NF1: variants seen among roughly 807,000 people sequenced by gnomAD.
NF1 encodes neurofibromin.
NF1 carries 122 observed loss-of-function variants against 325.7 expected under a neutral mutation model. The observed-to-expected ratio is 0.37, with a 90% confidence interval of 0.32 to 0.44. The LOEUF (loss-of-function observed/expected upper bound fraction) is 0.44, where lower values mean the gene tolerates loss of function less well. NF1 is among the 20% of genes least tolerant of loss of function. NF1 has a pLI of 1.00. For synonymous variants in NF1, 1,091 were observed against 1,186.0 expected (o/e 0.92, Z 1.65); for missense variants, 2,140 against 3,415.4 (o/e 0.63, Z 9.31).
Position 31,227,147 on chromosome 17 carries a change from G to T in NF1, c.2252-71G>T. 2.7e-6 allele frequency: 4 copies of T among 1,492,340 alleles called. No individual in the cohort carries two copies. The South Asian group carries it at 4.5e-5, about 17-fold the overall frequency. 92.4% of individuals were successfully genotyped at this position (1,492,340 alleles called of 1,614,324 possible). A position where few individuals can be genotyped will look rare whatever the true frequency, so the allele number is the denominator to read the frequency against. The stretch of plus-strand genomic sequence containing the variant: ...GCTCTTCCTACTCCTTTTGGGTGGA[G>T]CTTATCAGGTTCTCCATTGGCAGGC... On this transcript the variant is annotated intron_variant, in intron 18 of 57. Transcript: ENST00000358273.
chr17:31,266,226 G>A (rs995692880), intron 36 of NF1, among the ~76,000 whole-genome samples: 1 of 152,154 alleles, frequency 6.6e-6, no homozygotes, highest in Non-Finnish European at 1.5e-5. Flanking sequence ...GACTTACATT[G>A]TTAGTCAGCT....
chr17:31,234,937 T>A (rs1015881002), intron 27 of NF1, among the ~76,000 whole-genome samples: 1 of 152,112 alleles, frequency 6.6e-6, no homozygotes, highest in African/African-American at 2.4e-5. Context: ...TAAACAGTGA[T>A]TTACCATTAG....
At chr17:31,350,060 T>C in intron 49 of NF1, 123 bp from the exon 50 acceptor site, 1 of 1,017,002 alleles carries the variant, frequency 9.8e-7, no homozygotes, top group East Asian at 2.4e-5. Context: ...TTATGTAGTC[T>C]TCCAAAATAT....
chr17:31,296,541 G>A, intron 36 of NF1: 1 of 585,000 alleles, frequency 1.7e-6, no homozygotes, highest in Non-Finnish European at 3.1e-6. Flanking sequence ...GTGGTAGAGA[G>A]AGACTCTCTC....
At chr17:31,198,045 G>A (rs906169103) in intron 8 of NF1, among the ~76,000 whole-genome samples, 2 of 152,078 alleles carry the variant, frequency 1.3e-5, no homozygotes, top group African/African-American at 4.8e-5. Flanking sequence ...TCTCTGTATT[G>A]ATTCAGATGA....
intron 5 of NF1, among the ~76,000 whole-genome samples, chr17:31,174,938 A>G (rs1407082952): frequency 6.6e-6 from 1 of 151,730 alleles, no homozygotes; most frequent in Admixed American, 6.6e-5. Flanking sequence ...GTGAAACCCC[A>G]TCTCTACTAA....
chr17:31,346,954 G>A lies in NF1; in HGVS notation c.7190-2166G>A, dbSNP rs541575279. On this transcript the variant is annotated intron_variant, in intron 48 of 57. Coordinates refer to ENST00000358273, the MANE Select transcript of NF1 (RefSeq NM_001042492.3). ...TGAATCTCTGTATGCACTGATAACT[G>A]AGCTATGAAGAGGATCTTATTAAAC... 3.9e-4 allele frequency among the ~76,000 whole-genome samples: 59 copies of A among 149,998 alleles called. 1 individual carries two copies. Among genetic ancestry groups the A allele is most frequent in the African/African-American group, 1.4e-3 (57 of 40,800 alleles).
intron 8 of NF1, 82 bp from the exon 9 acceptor site, chr17:31,200,340 T>A: frequency 7.7e-7 from 1 of 1,305,982 alleles, no homozygotes; most frequent in Non-Finnish European, 1.1e-6. Context: ...TTTTAGAGGC[T>A]GTTAATTTGC....
At chr17:31,263,521 AAC>A (rs1469085403) in intron 35 of NF1, among the ~76,000 whole-genome samples, 5 of 150,710 alleles carry the variant, frequency 3.3e-5, no homozygotes, top group African/African-American at 1.2e-4. Flanking sequence ...AATGAATCAA[AAC>A]AGTTTTTAAA....
rs1555608659 is a variant in NF1 at position 31,181,449 on chromosome 17, A to G, written c.614A>G (p.Lys205Arg). The G allele has an allele frequency of 6.2e-7, 1 of 1,613,572 alleles. No individual in the cohort carries two copies. The highest frequency in any genetic ancestry group is 1.7e-5 in the Admixed American group (1 of 60,016). The change falls in exon 6 of 58, where the codon AAG (lysine) becomes AGG (arginine). Residue 205 changes from lysine to arginine, a missense_variant. Lys to Arg is a conservative substitution (Grantham distance 26). Coordinates refer to ENST00000358273, the MANE Select transcript of NF1 (RefSeq NM_001042492.3). Reference protein sequence around the residue: ...KETAFKFKALKKVAQLAVINS... With the variant: ...KETAFKFKALRKVAQLAVINS... The stretch of plus-strand genomic sequence containing the variant: ...ACAGCATTTAAATTTAAAGCCCTAA[A>G]GAAGGTTGCGCAGTTAGCAGTTATA...
chr17:31,320,264 A>G, intron 36 of NF1: 1 of 785,034 alleles, frequency 1.3e-6, no homozygotes, highest in Non-Finnish European at 1.9e-6. Flanking sequence ...CCTGAGATTT[A>G]CTAAATGAAA....
intron 11 of NF1, among the ~76,000 whole-genome samples, chr17:31,203,344 CAT>C (rs1567836876): frequency 2.6e-5 from 4 of 151,984 alleles, no homozygotes; most frequent in Non-Finnish European, 4.4e-5. Context: ...AATTTTTAAA[CAT>C]TAAGTATCAG....
chr17:31,192,013 A>C (rs2066351398), intron 8 of NF1, among the ~76,000 whole-genome samples: 1 of 152,166 alleles, frequency 6.6e-6, no homozygotes, highest in South Asian at 2.1e-4. Context: ...CAGTAATCCT[A>C]CATTTTTAGT....
At chr17:31,324,625 A>G (rs941484282) in intron 36 of NF1, among the ~76,000 whole-genome samples, 1 of 151,962 alleles carries the variant, frequency 6.6e-6, no homozygotes, top group Non-Finnish European at 1.5e-5. Context: ...GCAGTGGTAC[A>G]ATCTCAGCTC....
intron 1 of NF1, among the ~76,000 whole-genome samples, chr17:31,151,419 C>G (rs1334299744): frequency 6.6e-6 from 1 of 152,142 alleles, no homozygotes; most frequent in Non-Finnish European, 1.5e-5. Context: ...TTCTGGTCAT[C>G]TGAAGCATAT....
rs17886212 is a variant in NF1, at chr17:31,244,614, G to A, written c.3975-4370G>A. Among the ~76,000 whole-genome samples, 1,434 of 152,224 alleles carry A rather than the reference G, an allele frequency of 9.4e-3. 24 individuals carry two copies. Among genetic ancestry groups the A allele is most frequent in the African/African-American group, 0.033 (1,351 of 41,522 alleles). On this transcript the variant is annotated intron_variant, in intron 29 of 57. Transcript: ENST00000358273. ...GGGCAGCATTTAGTCCTAATGCAAA[G>A]TCCCATAATCACTGTGCTGTCCGTC... is the stretch of plus-strand genomic sequence containing the variant.
chr17:31,160,355 T>A (rs1388234536), intron 3 of NF1, among the ~76,000 whole-genome samples: 1 of 152,204 alleles, frequency 6.6e-6, no homozygotes, highest in Non-Finnish European at 1.5e-5. Flanking sequence ...CCCAAACTCC[T>A]GGGATTACAG....
intron 1 of NF1, among the ~76,000 whole-genome samples, chr17:31,121,086 C>G (rs1914388063): frequency 6.6e-6 from 1 of 152,160 alleles, no homozygotes; most frequent in Admixed American, 6.5e-5. Context: ...AAGCGTAATT[C>G]AATTTCTCTA....
chr17:31,266,119 G>A (rs1264619752), intron 36 of NF1, among the ~76,000 whole-genome samples: 1 of 152,194 alleles, frequency 6.6e-6, no homozygotes, highest in Non-Finnish European at 1.5e-5. Context: ...CAAGGACCAT[G>A]TTTAGACCTA....
Sources: allele counts gnomAD v4.1 joint callset (sites outside exome capture counted in the v4.1 genomes callset), GRCh38; gene constraint gnomAD v4.1.1; transcripts MANE v1.5; gene names NCBI Gene and HGNC (gene_info 2026-07-23, HGNC 2026-07-21).